Variants in PSIP1 observed in about 807,000 individuals in gnomAD.
PSIP1 encodes PC4 and SFRS1-interacting protein.
A neutral mutation model predicts 74.7 loss-of-function variants in PSIP1; 19 were observed. The ratio of observed to expected loss-of-function variants is 0.25; its 90% CI spans 0.18 to 0.37. The LOEUF is 0.37. Ranked by LOEUF, PSIP1 falls within the 10% of genes least tolerant of loss-of-function variation. The pLI, the probability that PSIP1 is intolerant of heterozygous loss-of-function variation, is 1.00. For synonymous variants in PSIP1, 222 were observed against 195.3 expected (o/e 1.14, Z -1.14); for missense variants, 601 against 614.3 (o/e 0.98, Z 0.23).
chr9:15,486,534 C>T (rs770776239), intron 5 of PSIP1, among the ~76,000 whole-genome samples: 3 of 152,106 alleles, frequency 2.0e-5, no homozygotes, highest in Non-Finnish European at 2.9e-5. Context: ...TACATCCATC[C>T]TACAACACTT....
intron 3 of PSIP1, among the ~76,000 whole-genome samples, chr9:15,503,450 C>A (rs915258041): frequency 6.6e-6 from 1 of 150,786 alleles, no homozygotes; most frequent in African/African-American, 2.4e-5. Context: ...TGAAACCAGG[C>A]GTTGGAGACC....
chr9:15,471,339 C>G (rs995749426), intron 10 of PSIP1: 68 of 1,566,160 alleles, frequency 4.3e-5, no homozygotes, highest in Non-Finnish European at 5.2e-5. Context: ...TTTGTAATAA[C>G]AGGAGAAGGA....
At position 15,473,525 on chromosome 9, in the gene PSIP1, C is replaced by A. The variant is rs561623713; in HGVS notation, c.858+484G>T. 7.2e-5 allele frequency among the ~76,000 whole-genome samples: 11 copies of A among 152,252 alleles called. No individual in the cohort carries two copies. In the East Asian group the frequency reaches 1.9e-3, roughly 27 times the overall value. ...GTAACACAGCTAATTCAAGTCTATTCAAAAAGGTAAACAAATTCATTTTAA... is the reference window on the plus strand; with the variant it reads ...GTAACACAGCTAATTCAAGTCTATTAAAAAAGGTAAACAAATTCATTTTAA... On this transcript the variant is annotated intron_variant, in intron 9 of 15. Transcript: ENST00000380733.
chr9:15,464,445 T>A lies in PSIP1; in HGVS notation c.*1075A>T, dbSNP rs2035472134. On this transcript the variant is annotated 3_prime_UTR_variant, in exon 16 of 16. Transcript: ENST00000380733. ...TCCTTTAGTTAACATACCCTTAAAT[T>A]TTGTAACATTGATTTTACCCTGGAT... The A allele has an allele frequency of 5.0e-6, 1 of 199,642 alleles. No individual in the cohort carries two copies. Among genetic ancestry groups the A allele is most frequent in the Non-Finnish European group, 1.0e-5 (1 of 96,852 alleles). 12.4% of individuals were successfully genotyped at this position (199,642 alleles called of 1,614,324 possible). A position where few individuals can be genotyped will look rare whatever the true frequency, so the allele number is the denominator to read the frequency against.
rs2035551653 is a variant in PSIP1, at chr9:15,465,443, A to T, written c.*77T>A. On this transcript the variant is annotated 3_prime_UTR_variant, in exon 16 of 16. Coordinates refer to ENST00000380733, the MANE Select transcript of PSIP1 (RefSeq NM_033222.5). ...ATCAAACCTATGCTTATAAAAATTT[A>T]AAACTTTCAGCAGTCTATTTCAAAT... 1.5e-6 allele frequency: 2 copies of T among 1,291,684 alleles called. No individual in the cohort carries two copies. Among genetic ancestry groups the T allele is most frequent in the African/African-American group, 1.5e-5 (1 of 65,716 alleles). The allele number at this position is 1,291,684 out of a possible 1,614,324, so 80.0% of individuals were successfully genotyped here. A position where few individuals can be genotyped will look rare whatever the true frequency, so the allele number is the denominator to read the frequency against.
intron 10 of PSIP1, chr9:15,471,418 A>G: frequency 2.7e-6 from 4 of 1,476,794 alleles, no homozygotes; most frequent in Non-Finnish European, 3.6e-6. Flanking sequence ...TGAAATACAT[A>G]AAGATAACTT....
chr9:15,474,047 C>T lies in PSIP1; in HGVS notation c.820G>A (p.Asp274Asn), dbSNP rs751647340. 3.1e-6 allele frequency: 5 copies of T among 1,613,206 alleles called. No homozygotes were observed. Among genetic ancestry groups the T allele is most frequent in the African/African-American group, 2.7e-5 (2 of 74,866 alleles). The change falls in exon 9 of 16, where the codon GAT becomes AAT. Residue 274 changes from aspartate (D) to asparagine (N), a missense_variant. By Grantham distance (23) the Asp-to-Asn change is conservative. This residue lies in a region of PSIP1 where 538 missense variants were observed against 507.6 expected (regional missense o/e 1.06). Coordinates refer to ENST00000380733, the MANE Select transcript of PSIP1 (RefSeq NM_033222.5). ...LAKTGVTSTSDSEEEGDDQEG... is the reference protein window; with the variant it reads ...LAKTGVTSTSNSEEEGDDQEG... ...TGATCATCTCCTTCTTCTTCAGAATCGGAGGTTGAAGTAACCCCTGTTTTA... is the reference window on the plus strand; with the variant it reads ...TGATCATCTCCTTCTTCTTCAGAATTGGAGGTTGAAGTAACCCCTGTTTTA...
chr9:15,498,550 G>T (rs1011403030), intron 3 of PSIP1, among the ~76,000 whole-genome samples: 1 of 152,008 alleles, frequency 6.6e-6, no homozygotes, highest in Non-Finnish European at 1.5e-5. Flanking sequence ...CAGGTTTGGT[G>T]AACAGGGACC....
intron 3 of PSIP1, among the ~76,000 whole-genome samples, chr9:15,504,456 G>A (rs997570117): frequency 6.6e-6 from 1 of 152,134 alleles, no homozygotes; most frequent in Non-Finnish European, 1.5e-5. Flanking sequence ...AGACTATCAG[G>A]ATATATAGAA....
Position 15,474,031 on chromosome 9 carries a change from C to T in PSIP1, c.836G>A (p.Gly279Glu). ...TACCTTTTCACCTTCTTGATCATCTCCTTCTTCTTCAGAATCGGAGGTTGA... is the reference window on the plus strand; with the variant it reads ...TACCTTTTCACCTTCTTGATCATCTTCTTCTTCTTCAGAATCGGAGGTTGA... ...VTSTSDSEEE[G>E]DDQEGEKKRK... Residue 279 changes from glycine to glutamate, a missense_variant, in exon 9 of 16, where the codon GGA becomes GAA. Physicochemically the swap from Gly to Glu is moderately conservative, Grantham distance 98. Transcript: ENST00000380733. 2 of 1,612,936 alleles carry T rather than the reference C, an allele frequency of 1.2e-6. No individual in the cohort carries two copies. Among genetic ancestry groups the T allele is most frequent in the Non-Finnish European group, 1.7e-6 (2 of 1,179,536 alleles).
At chr9:15,467,583 ATAGAGAAAGCT>A in intron 14 of PSIP1, among the ~76,000 whole-genome samples, 1 of 152,370 alleles carries the variant, frequency 6.6e-6, no homozygotes, top group South Asian at 2.1e-4. Context: ...CAAGAGGGGC[ATAGAGAAAGCT>A]TATGGGCTAC....
At chr9:15,469,900 G>A (rs748991182) in intron 11 of PSIP1, 38 bp downstream of exon 11, 3 of 1,530,326 alleles carry the variant, frequency 2.0e-6, no homozygotes, top group South Asian at 1.1e-5. Flanking sequence ...TCTTTTCCAT[G>A]TATAATTTTA....
chr9:15,501,183 CA>C (rs2037327072), intron 3 of PSIP1, among the ~76,000 whole-genome samples: 1 of 151,954 alleles, frequency 6.6e-6, no homozygotes, highest in Non-Finnish European at 1.5e-5. Flanking sequence ...TATTCAAAAA[CA>C]AACTTCTGAT....
intron 11 of PSIP1, 71 bp downstream of exon 11, chr9:15,469,867 T>TG: frequency 7.5e-7 from 1 of 1,330,720 alleles, no homozygotes. Flanking sequence ...AACCAATACA[T>TG]GAAAAGTTAT....
intron 8 of PSIP1, among the ~76,000 whole-genome samples, chr9:15,476,351 T>C (rs1400111902): frequency 2.0e-5 from 3 of 152,176 alleles, no homozygotes; most frequent in African/African-American, 7.2e-5. Context: ...ATACAATGGG[T>C]AAAACTGTTG....
chr9:15,503,741 T>C (rs1754301967), intron 3 of PSIP1, among the ~76,000 whole-genome samples: 2 of 151,860 alleles, frequency 1.3e-5, no homozygotes, highest in African/African-American at 4.8e-5. Context: ...TTCCAAAAAT[T>C]AGTATTTTTT....
At chr9:15,482,541 TCC>T (rs1483628440) in intron 6 of PSIP1, among the ~76,000 whole-genome samples, 2 of 152,118 alleles carry the variant, frequency 1.3e-5, no homozygotes, top group Non-Finnish European at 2.9e-5. Context: ...CCTCCATCCC[TCC>T]CCTTCAGTGT....
At chr9:15,504,715 C>G (rs201461692) in intron 3 of PSIP1, among the ~76,000 whole-genome samples, 1 of 147,288 alleles carries the variant, frequency 6.8e-6, no homozygotes, top group East Asian at 2.0e-4. Context: ...CCAGCCTGGG[C>G]AACAGAGCTA....
At chr9:15,474,287 AT>A in intron 8 of PSIP1, 50 bp from the exon 9 acceptor site, 1 of 1,437,418 alleles carries the variant, frequency 7.0e-7, no homozygotes, top group Non-Finnish European at 9.5e-7. Context: ...CTATAATAGT[AT>A]TTTAGATATC....
Sources: allele counts gnomAD v4.1 joint callset (sites outside exome capture counted in the v4.1 genomes callset), GRCh38; gene constraint gnomAD v4.1.1; regional missense constraint gnomAD v4.1.1; transcripts MANE v1.5; gene names NCBI Gene and HGNC (gene_info 2026-07-23, HGNC 2026-07-21).